CMSS1: variants seen among roughly 807,000 people sequenced by gnomAD.
The protein encoded by CMSS1 is cms1 ribosomal small subunit homolog, also known as protein CMSS1.
A neutral mutation model predicts 43.5 loss-of-function variants in CMSS1; 33 were observed. The observed-to-expected ratio is 0.76, with a 90% CI of 0.57 to 1.01. The LOEUF is 1.01. CMSS1 is among the 50% of genes least tolerant of loss of function. The probability of loss-of-function intolerance (pLI) is 0.00; values close to 1 mark genes in which losing one functional copy is unlikely to be tolerated. For synonymous variants in CMSS1, 115 were observed against 117.2 expected (o/e 0.98, Z 0.12); for missense variants, 313 against 326.4 (o/e 0.96, Z 0.32).
At chr3:99,877,440 A>G (rs996454652) in intron 1 of CMSS1, among the ~76,000 whole-genome samples, 3 of 152,184 alleles carry the variant, frequency 2.0e-5, no homozygotes, top group African/African-American at 7.2e-5. Context: ...GCACAACATT[A>G]AATGTATGTC....
chr3:99,920,701 T>A (rs1707098111), intron 1 of CMSS1, among the ~76,000 whole-genome samples: 1 of 152,208 alleles, frequency 6.6e-6, no homozygotes, highest in Non-Finnish European at 1.5e-5. Flanking sequence ...GCTTACTGAT[T>A]ACGACAGCGA....
intron 1 of CMSS1, among the ~76,000 whole-genome samples, chr3:100,086,866 C>T (rs2066018020): frequency 6.6e-6 from 1 of 152,162 alleles, no homozygotes; most frequent in Non-Finnish European, 1.5e-5. Context: ...TAATCAGTCC[C>T]TCTCTCTATT....
intron 1 of CMSS1, among the ~76,000 whole-genome samples, chr3:99,978,183 CT>C (rs1709023636): frequency 6.6e-6 from 1 of 152,100 alleles, no homozygotes; most frequent in Non-Finnish European, 1.5e-5. Context: ...AAAATGTCAT[CT>C]TCAGGAATTC....
chr3:100,110,140 A>G lies in CMSS1; in HGVS notation c.65-36833A>G, dbSNP rs937735450. On this transcript the variant is annotated intron_variant, in intron 1 of 9. Coordinates refer to ENST00000421999, the MANE Select transcript of CMSS1 (RefSeq NM_032359.4). ...AAGGAAATGCAATAATAAGTTTTAAAAATTTGAACTACTAACTGCACCTGC... is the reference window on the plus strand; with the variant it reads ...AAGGAAATGCAATAATAAGTTTTAAGAATTTGAACTACTAACTGCACCTGC... The G allele has an allele frequency of 2.0e-5, 3 of 152,066 alleles. No homozygotes were observed. In the East Asian group the frequency reaches 5.8e-4, roughly 29 times the overall value. The allele number at this position is 152,066 out of a possible 1,614,324, so 9.4% of individuals were successfully genotyped here.
chr3:100,061,162 G>C (rs920100673), intron 1 of CMSS1, among the ~76,000 whole-genome samples: 4 of 152,066 alleles, frequency 2.6e-5, no homozygotes, highest in African/African-American at 9.7e-5. Context: ...AATTTTAAAA[G>C]GAAGGAAGGG....
At chr3:100,120,376 A>G (rs2066609396) in intron 1 of CMSS1, among the ~76,000 whole-genome samples, 1 of 152,218 alleles carries the variant, frequency 6.6e-6, no homozygotes, top group Non-Finnish European at 1.5e-5. Context: ...GAGGGAAGGG[A>G]TAATTCTAGC....
intron 1 of CMSS1, among the ~76,000 whole-genome samples, chr3:100,141,341 A>C (rs1387158483): frequency 6.6e-6 from 1 of 152,242 alleles, no homozygotes; most frequent in Non-Finnish European, 1.5e-5. Flanking sequence ...TGTATGTGCA[A>C]CTAGCTTCCT....
At chr3:99,983,071 A>G (rs1709175271) in intron 1 of CMSS1, among the ~76,000 whole-genome samples, 1 of 152,168 alleles carries the variant, frequency 6.6e-6, no homozygotes, top group Admixed American at 6.5e-5. Context: ...AACACATGCA[A>G]TGATGAAAAT....
In CMSS1 at chr3:100,109,912, C is replaced by G. The variant is rs567090151; in HGVS notation, c.65-37061C>G. 39 of 124,532 alleles carry G rather than the reference C, an allele frequency of 3.1e-4. No individual in the cohort carries two copies. In the East Asian group the frequency reaches 3.4e-3, roughly 11 times the overall value. 7.7% of individuals were successfully genotyped at this position (124,532 alleles called of 1,614,324 possible). On this transcript the variant is annotated intron_variant, in intron 1 of 9. Transcript: ENST00000421999. ...AAATGTTTCTTTTATGACCCCCCCCCCCCAGCACCACCCCCCAGCCAAAGA... is the reference window on the plus strand; with the variant it reads ...AAATGTTTCTTTTATGACCCCCCCCGCCCAGCACCACCCCCCAGCCAAAGA...
At chr3:99,866,183 A>G (rs558077895) in intron 1 of CMSS1, among the ~76,000 whole-genome samples, 45 of 150,830 alleles carry the variant, frequency 3.0e-4, no homozygotes, top group Non-Finnish European at 5.6e-4. Context: ...TTTTTTTTTT[A>G]AAGGCTTTCC....
At chr3:100,139,773 G>A (rs2066790002) in intron 1 of CMSS1, among the ~76,000 whole-genome samples, 1 of 143,988 alleles carries the variant, frequency 6.9e-6, no homozygotes, top group African/African-American at 2.6e-5. Context: ...CTCCAGCCTG[G>A]GCGACGAGAG....
At position 100,178,408 on chromosome 3, in the gene CMSS1, T is replaced by C. The variant is rs1450065875; in HGVS notation, c.*20T>C. The C allele has an allele frequency of 6.0e-6, 9 of 1,509,142 alleles. 1 individual carries two copies. The African/African-American group carries it at 9.6e-5, about 16-fold the overall frequency. The allele number at this position is 1,509,142 out of a possible 1,614,324, so 93.5% of individuals were successfully genotyped here. On this transcript the variant is annotated 3_prime_UTR_variant, in exon 10 of 10. Coordinates refer to ENST00000421999, the MANE Select transcript of CMSS1 (RefSeq NM_032359.4). ...TTCTAAGTCTGTGTCCTAATGAAGATTCCAGTTTTCACAGTAGAAGTTGCA... is the reference window on the plus strand; with the variant it reads ...TTCTAAGTCTGTGTCCTAATGAAGACTCCAGTTTTCACAGTAGAAGTTGCA...
At chr3:99,902,539 G>A (rs1280147963) in intron 1 of CMSS1, among the ~76,000 whole-genome samples, 1 of 152,156 alleles carries the variant, frequency 6.6e-6, no homozygotes, top group African/African-American at 2.4e-5. Context: ...TGAGGAAATG[G>A]TGTGAAGGGT....
intron 1 of CMSS1, among the ~76,000 whole-genome samples, chr3:99,892,451 A>G (rs1354547349): frequency 2.6e-5 from 4 of 152,224 alleles, no homozygotes; most frequent in Non-Finnish European, 5.9e-5. Context: ...CATTGGCTCA[A>G]ACAATAGTGA....
At chr3:99,825,688 G>C (rs1452645815) in intron 1 of CMSS1, among the ~76,000 whole-genome samples, 1 of 151,578 alleles carries the variant, frequency 6.6e-6, no homozygotes, top group Admixed American at 6.6e-5. Context: ...AATGTGGAAG[G>C]CCTATACATA....
intron 1 of CMSS1, among the ~76,000 whole-genome samples, chr3:100,144,145 G>T (rs142154696): frequency 6.7e-4 from 102 of 152,132 alleles, no homozygotes; most frequent in African/African-American, 2.3e-3. Flanking sequence ...ATCTCTGTGC[G>T]GGGGAGGAGT....
intron 1 of CMSS1, among the ~76,000 whole-genome samples, chr3:99,950,401 AAAGT>A (rs1275742206): frequency 4.6e-5 from 7 of 152,148 alleles, no homozygotes; most frequent in African/African-American, 1.4e-4. Flanking sequence ...AGAACTTAGA[AAAGT>A]TAAGTAAGTT....
At chr3:99,998,254 A>G (rs1160264463) in intron 1 of CMSS1, among the ~76,000 whole-genome samples, 2 of 152,196 alleles carry the variant, frequency 1.3e-5, no homozygotes, top group Non-Finnish European at 1.5e-5. Context: ...TAAAGGATAA[A>G]TCTATCCTAG....
At chr3:99,954,914 G>A (rs1297300261) in intron 1 of CMSS1, among the ~76,000 whole-genome samples, 1 of 152,130 alleles carries the variant, frequency 6.6e-6, no homozygotes, top group African/African-American at 2.4e-5. Flanking sequence ...CACCACGTCT[G>A]GCATAAAATA....
Sources: gnomAD v4.1 joint callset for allele counts (sites outside exome capture counted in the v4.1 genomes callset) on GRCh38, gnomAD v4.1.1 for gene constraint, MANE v1.5 for transcripts, NCBI Gene and HGNC (gene_info 2026-07-23, HGNC 2026-07-21) for gene names.